Variants in VDAC1 observed in about 807,000 individuals in gnomAD.
VDAC1 encodes the protein voltage dependent anion channel 1.
VDAC1 carries 10 observed loss-of-function variants against 34.7 expected under a neutral mutation model. The observed-to-expected ratio is 0.29, with a 90% CI of 0.18 to 0.49. The LOEUF (loss-of-function observed/expected upper bound fraction) is 0.49. Ranked by LOEUF, VDAC1 falls within the 20% of genes least tolerant of loss-of-function variation. VDAC1 has a pLI of 0.99. For synonymous variants in VDAC1, 130 were observed against 136.0 expected, an observed-to-expected ratio of 0.96 and a Z score of 0.30; for missense variants, 230 against 347.9, an observed-to-expected ratio of 0.66 and a Z score of 2.69.
chr5:134,065,651 TAAC>T, the VDAC1 span, among the ~76,000 whole-genome samples: 1 of 152,128 alleles, frequency 6.6e-6, no homozygotes, highest in Non-Finnish European at 1.5e-5. Context: ...TCTTTGGTTT[TAAC>T]TTCTAGTTTT....
At chr5:133,986,333 G>A (rs10074308) in intron 5 of VDAC1, among the ~76,000 whole-genome samples, 8,039 of 152,176 alleles carry the variant, frequency 0.053, 236 homozygotes, top group East Asian at 0.13. Flanking sequence ...TAATCTCCAT[G>A]ATGCACCACC....
At chr5:134,051,052 C>T in the VDAC1 span, among the ~76,000 whole-genome samples, 2 of 152,204 alleles carry the variant, frequency 1.3e-5, no homozygotes, top group South Asian at 2.1e-4. Context: ...GCACCTGGCC[C>T]GGGGAACCAG....
the VDAC1 span, among the ~76,000 whole-genome samples, chr5:134,086,527 A>G: frequency 6.6e-6 from 1 of 152,322 alleles, no homozygotes; most frequent in East Asian, 1.9e-4. Flanking sequence ...AGGAAAACAG[A>G]TGGGCATGAA....
intron 2 of VDAC1, among the ~76,000 whole-genome samples, 175 bp downstream of exon 2, chr5:133,992,771 T>C (rs1753154296): frequency 1.3e-5 from 2 of 152,274 alleles, no homozygotes; most frequent in South Asian, 2.1e-4. Flanking sequence ...CCTGTCCAAC[T>C]GGGTGCACAA....
At chr5:134,083,763 G>A in the VDAC1 span, among the ~76,000 whole-genome samples, 1 of 152,234 alleles carries the variant, frequency 6.6e-6, no homozygotes, top group Non-Finnish European at 1.5e-5. Context: ...CTGGCCTGTA[G>A]GACTCAGAGT....
At chr5:133,994,550 C>A (rs1753223677) in intron 1 of VDAC1, among the ~76,000 whole-genome samples, 1 of 152,118 alleles carries the variant, frequency 6.6e-6, no homozygotes, top group South Asian at 2.1e-4. Flanking sequence ...CTGGGGGCTC[C>A]CCTCTCCCCA....
the VDAC1 span, among the ~76,000 whole-genome samples, chr5:134,051,207 G>A: frequency 6.6e-6 from 1 of 152,192 alleles, no homozygotes; most frequent in Non-Finnish European, 1.5e-5. Flanking sequence ...AGGAGCCAGG[G>A]GGGCCAGGCC....
At chr5:134,061,626 G>GC in the VDAC1 span, among the ~76,000 whole-genome samples, 4 of 151,660 alleles carry the variant, frequency 2.6e-5, no homozygotes, top group African/African-American at 7.3e-5. Flanking sequence ...TCCTGCCTCA[G>GC]CCCCCAAGAA....
At chr5:134,085,497 G>A in the VDAC1 span, among the ~76,000 whole-genome samples, 18 of 151,774 alleles carry the variant, frequency 1.2e-4, no homozygotes, top group African/African-American at 4.4e-4. Context: ...TTGGCCTCAG[G>A]GTTCTTTCTG....
At chr5:134,039,542 G>A in the VDAC1 span, among the ~76,000 whole-genome samples, 6 of 151,994 alleles carry the variant, frequency 3.9e-5, no homozygotes, top group East Asian at 9.7e-4. Flanking sequence ...TGTTAGCCAG[G>A]ATGGTCTCGA....
intron 6 of VDAC1, among the ~76,000 whole-genome samples, chr5:133,977,754 C>G (rs762797462): frequency 6.6e-6 from 1 of 152,152 alleles, no homozygotes; most frequent in Non-Finnish European, 1.5e-5. Context: ...AAAACAAAAA[C>G]AGTTAAAGTG....
chr5:133,980,557 CAA>C (rs987743294), intron 6 of VDAC1, among the ~76,000 whole-genome samples, 170 bp downstream of exon 6: 3 of 141,230 alleles, frequency 2.1e-5, no homozygotes, highest in Non-Finnish European at 4.6e-5. Flanking sequence ...AGGTGGGAAA[CAA>C]AAGATAGCAG....
chr5:134,001,658 A>T (rs919728693), intron 1 of VDAC1, among the ~76,000 whole-genome samples: 1 of 148,748 alleles, frequency 6.7e-6, no homozygotes, highest in Non-Finnish European at 1.5e-5. Flanking sequence ...TAGAGATTGC[A>T]GGGAGCCGAG....
upstream of VDAC1, among the ~76,000 whole-genome samples, chr5:134,009,058 C>A (rs1443854553): frequency 6.6e-6 from 1 of 152,004 alleles, no homozygotes; most frequent in African/African-American, 2.4e-5. Flanking sequence ...CCAAGGTAAA[C>A]ACAATTGATA....
the VDAC1 span, among the ~76,000 whole-genome samples, chr5:134,022,602 C>T: frequency 3.9e-5 from 6 of 152,308 alleles, no homozygotes; most frequent in South Asian, 6.2e-4. Flanking sequence ...TGGAAAATTC[C>T]ATCCCCTAAC....
chr5:134,105,837 C>G, the VDAC1 span, among the ~76,000 whole-genome samples: 1 of 152,260 alleles, frequency 6.6e-6, no homozygotes, highest in Non-Finnish European at 1.5e-5. Flanking sequence ...GAGGTGCCCA[C>G]ACTAGAAACT....
Position 133,980,773 on chromosome 5 carries a change from A to G in VDAC1, c.507T>C (p.Phe169=). ...ATTCATCAGTCTTGTAGCCAACTGC[A>G]AAGTTGCTCTGGGTCACTCGGGATT... is the stretch of plus-strand genomic sequence containing the variant. ...TAKSRVTQSN[F]AVGYKTDEFQ... is the part of the protein sequence containing the mutation. The change falls in exon 6 of 9, where the codon TTT becomes TTC. Residue 169 remains phenylalanine, a synonymous_variant. Transcript: ENST00000265333. The G allele has an allele frequency of 6.6e-7, 1 of 1,520,440 alleles. No individual in the cohort carries two copies. Among genetic ancestry groups the G allele is most frequent in the Non-Finnish European group, 8.9e-7 (1 of 1,129,520 alleles). 94.2% of individuals were successfully genotyped at this position (1,520,440 alleles called of 1,614,324 possible). A position where few individuals can be genotyped will look rare whatever the true frequency, so the allele number is the denominator to read the frequency against.
chr5:133,975,634 T>C (rs1752448064), intron 7 of VDAC1, among the ~76,000 whole-genome samples: 1 of 152,056 alleles, frequency 6.6e-6, no homozygotes, highest in Non-Finnish European at 1.5e-5. Context: ...CTAATTTTTG[T>C]ACTTTTAGTA....
the VDAC1 span, among the ~76,000 whole-genome samples, chr5:134,083,068 G>T: frequency 1.3e-5 from 2 of 152,064 alleles, no homozygotes; most frequent in African/African-American, 4.8e-5. Context: ...TGCAGATTTA[G>T]ATTTATGAAA....
Sources: allele counts gnomAD v4.1 joint callset (sites outside exome capture counted in the v4.1 genomes callset), GRCh38; gene constraint gnomAD v4.1.1; transcripts MANE v1.5; gene names NCBI Gene and HGNC (gene_info 2026-07-23, HGNC 2026-07-21).